Variants in PUDP observed in about 807,000 individuals in gnomAD.
PUDP encodes pseudouridine 5'-phosphatase, also known as pseudouridine-5'-phosphatase.
Under a neutral mutation model 9.4 loss-of-function variants are expected in PUDP, and 8 were observed. The observed-to-expected ratio is 0.85, with a 90% CI of 0.50 to 1.53. The LOEUF (loss-of-function observed/expected upper bound fraction) is 1.53, where lower values mean the gene tolerates loss of function less well. Among genes scored for constraint, PUDP ranks in the 40% most tolerant of loss-of-function variants. The pLI is 0.00. For synonymous variants in PUDP, 99 were observed against 80.7 expected (o/e 1.23, Z -1.22); for missense variants, 188 against 189.7 (o/e 0.99, Z 0.05).
chrX:6,725,580 GGTTGATTC>G (rs1484277228), upstream of PUDP, among the ~76,000 whole-genome samples: 2 of 111,766 alleles, frequency 1.8e-5, no homozygotes, highest in African/African-American at 6.5e-5. Context: ...TGGACTCTTA[GGTTGATTC>G]CATATCTTTG....
At chrX:7,032,197 A>T (rs1271877879) in intron 1 of PUDP, among the ~76,000 whole-genome samples, 1 of 112,458 alleles carries the variant, frequency 8.9e-6, no homozygotes, top group Non-Finnish European at 1.9e-5. Context: ...TAAAACCATA[A>T]GATACTCATA....
rs1176555983 is a variant in PUDP, at chrX:7,036,087, A to G, written c.204+41133T>C. Among the ~76,000 whole-genome samples the G allele has an allele frequency of 2.7e-5, 3 of 112,146 alleles. No homozygotes were observed. In the Admixed American group the frequency reaches 2.8e-4, roughly 11 times the overall value. On this transcript the variant is annotated intron_variant and NMD_transcript_variant, in intron 1 of 3. Transcript: ENST00000655425. The stretch of plus-strand genomic sequence containing the variant: ...GCAGGCTGTGGCCATCACCAGACAA[A>G]GATGCCCAATTTTGAACTTTCCAGC...
intron 3 of PUDP, among the ~76,000 whole-genome samples, chrX:6,743,469 A>G (rs1461480774): frequency 8.9e-6 from 1 of 112,070 alleles, no homozygotes; most frequent in African/African-American, 3.3e-5. Context: ...TTGCATGATT[A>G]TTAATACGTA....
At chrX:7,009,722 G>A (rs1233694462) in intron 1 of PUDP, among the ~76,000 whole-genome samples, 1 of 111,220 alleles carries the variant, frequency 9.0e-6, no homozygotes, top group East Asian at 2.8e-4. Flanking sequence ...GGGGTAAATA[G>A]TGAACACAGT....
At chrX:6,995,544 C>A (rs1346363648) in intron 1 of PUDP, among the ~76,000 whole-genome samples, 2 of 109,696 alleles carry the variant, frequency 1.8e-5, no homozygotes, top group Non-Finnish European at 3.8e-5. Flanking sequence ...GGCAACATGG[C>A]AAAACCCCGT....
intron 3 of PUDP, among the ~76,000 whole-genome samples, chrX:6,746,728 C>A (rs765461802): frequency 9.0e-6 from 1 of 111,142 alleles, no homozygotes; most frequent in Non-Finnish European, 1.9e-5. Context: ...TCATCCATGT[C>A]CCCACAAAGG....
At chrX:7,019,486 G>A (rs2146819101) in intron 1 of PUDP, among the ~76,000 whole-genome samples, 1 of 111,938 alleles carries the variant, frequency 8.9e-6, no homozygotes, top group East Asian at 2.8e-4. Flanking sequence ...AGGCTTTCTC[G>A]GAGACCATCC....
intron 3 of PUDP, among the ~76,000 whole-genome samples, chrX:6,798,860 A>G (rs1405640131): frequency 8.9e-6 from 1 of 112,056 alleles, no homozygotes; most frequent in Non-Finnish European, 1.9e-5. Context: ...ATCATAGCTC[A>G]CTGCAGCCTA....
intron 1 of PUDP, among the ~76,000 whole-genome samples, chrX:7,114,245 T>A (rs1340991283): frequency 1.8e-5 from 2 of 110,581 alleles, no homozygotes; most frequent in Non-Finnish European, 3.8e-5. Context: ...TGGCTAATTT[T>A]TTGTAGAGAT....
chrX:6,901,631 A>G (rs1277983113), intron 3 of PUDP, among the ~76,000 whole-genome samples: 1 of 112,324 alleles, frequency 8.9e-6, no homozygotes, highest in Non-Finnish European at 1.9e-5. Context: ...TCTGAAAAAT[A>G]GCGATAACAA....
intron 3 of PUDP, among the ~76,000 whole-genome samples, chrX:6,828,312 G>T (rs1397029540): frequency 4.5e-5 from 5 of 111,197 alleles, no homozygotes; most frequent in African/African-American, 1.6e-4. Context: ...AACAGAAAAT[G>T]GATAACTTAA....
intron 3 of PUDP, among the ~76,000 whole-genome samples, chrX:6,828,531 A>G (rs1275228547): frequency 8.9e-6 from 1 of 111,875 alleles, no homozygotes; most frequent in Non-Finnish European, 1.9e-5. Flanking sequence ...GTTGTAATCA[A>G]TGACCTTCCA....
At chrX:6,929,869 T>C (rs1928161809) in intron 3 of PUDP, among the ~76,000 whole-genome samples, 1 of 111,915 alleles carries the variant, frequency 8.9e-6, no homozygotes, top group African/African-American at 3.2e-5. Flanking sequence ...GGGCTTTTCC[T>C]GCCCCCAGTC....
intron 1 of PUDP, among the ~76,000 whole-genome samples, chrX:7,130,889 A>T (rs1421059083): frequency 8.9e-6 from 1 of 111,737 alleles, no homozygotes; most frequent in South Asian, 3.7e-4. Context: ...CTGTCTCAAA[A>T]AATAATAATA....
intron 3 of PUDP, among the ~76,000 whole-genome samples, chrX:6,762,018 A>G (rs1360617708): frequency 9.0e-6 from 1 of 111,242 alleles, no homozygotes; most frequent in Non-Finnish European, 1.9e-5. Context: ...TGGCAAAACC[A>G]CATCGCTCCA....
intron 3 of PUDP, among the ~76,000 whole-genome samples, chrX:6,753,892 T>C (rs769468006): frequency 3.6e-5 from 4 of 112,127 alleles, no homozygotes; most frequent in Non-Finnish European, 5.6e-5. Flanking sequence ...GTCAGATGTA[T>C]AGATTGTGAA....
Position 7,050,453 on chromosome X carries a change from G to A in PUDP, c.530C>T (p.Ala177Val), listed in dbSNP as rs199601712. The A allele has an allele frequency of 3.3e-6, 4 of 1,209,532 alleles. No homozygotes were observed. Among genetic ancestry groups the A allele is most frequent in the Non-Finnish European group, 4.5e-6 (4 of 894,565 alleles). ...CAGGGCCGCCTCCACCCCATTGGGA[G>A]CATCTTCAAAGACAAGGCACTGTAG... ...AMEKCLVFED[A>V]PNGVEAALAA... The change falls in exon 4 of 4, where the codon GCT (alanine) becomes GTT (valine). Residue 177 changes from alanine to valine, a missense_variant. Physicochemically the swap from Ala to Val is moderately conservative, Grantham distance 64 (BLOSUM62 0). Transcript: ENST00000381077.
chrX:6,796,334 G>C (rs73190711), intron 3 of PUDP, among the ~76,000 whole-genome samples: 1,390 of 112,059 alleles, frequency 0.012, 11 homozygotes, highest in Non-Finnish European at 0.022. Flanking sequence ...AAGTCTTTAT[G>C]AGCAAGTGTT....
At chrX:7,027,069 C>A (rs1418716988) in intron 1 of PUDP, among the ~76,000 whole-genome samples, 1 of 111,597 alleles carries the variant, frequency 9.0e-6, no homozygotes, top group Non-Finnish European at 1.9e-5. Context: ...TTCCTGGAAA[C>A]CTCTCATTGC....
Sources: gnomAD v4.1 joint callset for allele counts (sites outside exome capture counted in the v4.1 genomes callset) on GRCh38, gnomAD v4.1.1 for gene constraint, MANE v1.5 for transcripts, NCBI Gene and HGNC (gene_info 2026-07-23, HGNC 2026-07-21) for gene names.